The following ROS1 variants were observed in gnomAD, a reference collection of about 807,000 sequenced individuals.
ROS1 encodes the protein proto-oncogene tyrosine-protein kinase ROS.
In ROS1, 263 loss-of-function variants were observed where a neutral mutation model predicts 273.5. The observed-to-expected ratio is 0.96, with a 90% CI of 0.87 to 1.06. ROS1 has a LOEUF of 1.06. Among genes scored for constraint, ROS1 ranks in the 50% least tolerant of loss-of-function variants. The pLI is 0.00. For missense variants in ROS1, 2,833 were observed against 2,751.1 expected (o/e 1.03, Z -0.67); for synonymous variants, 1,008 against 954.1 (o/e 1.06, Z -1.04).
intron 5 of ROS1, among the ~76,000 whole-genome samples, chr6:117,405,258 A>G (rs1391868226): frequency 6.6e-6 from 1 of 152,210 alleles, no homozygotes; most frequent in Non-Finnish European, 1.5e-5. Context: ...TCTCATCATT[A>G]CCAACACCAG....
chr6:117,388,154 G>T, intron 13 of ROS1, 162 bp from the exon 14 acceptor site: 1 of 1,112,134 alleles, frequency 9.0e-7, no homozygotes, highest in Non-Finnish European at 1.3e-6. Flanking sequence ...TGTTGATGAG[G>T]CTAGGACAGT....
chr6:117,294,299 C>A (rs574126167), intron 43 of ROS1, among the ~76,000 whole-genome samples: 1 of 152,170 alleles, frequency 6.6e-6, no homozygotes, highest in South Asian at 2.1e-4. Context: ...TACTGTAAGT[C>A]CTAGCCAGAG....
intron 43 of ROS1, among the ~76,000 whole-genome samples, chr6:117,294,696 G>T (rs183311611): frequency 1.3e-5 from 2 of 152,130 alleles, no homozygotes; most frequent in Admixed American, 1.3e-4. Context: ...AATCAAGAAG[G>T]CAATGCCATT....
intron 43 of ROS1, chr6:117,299,737 C>G (rs369060155): frequency 6.6e-6 from 1 of 152,164 alleles, no homozygotes; most frequent in African/African-American, 2.4e-5. Context: ...CTTTTAATAA[C>G]AAGAAGTTCT....
intron 33 of ROS1, 68 bp downstream of exon 33, chr6:117,329,253 TAGTGTTAC>T: frequency 1.4e-6 from 1 of 717,194 alleles, no homozygotes; most frequent in South Asian, 1.8e-5. Flanking sequence ...TTTGCATAAA[TAGTGTTAC>T]TTTTGATTAC....
intron 9 of ROS1, 115 bp from the exon 10 acceptor site, chr6:117,394,853 G>A: frequency 1.1e-6 from 1 of 881,400 alleles, no homozygotes. Flanking sequence ...GAAAGAGGCT[G>A]GTCAAATTTT....
rs1048825279 is a variant in ROS1 at position 117,358,552 on chromosome 6, T to C, written c.3634-543A>G. Among the ~76,000 whole-genome samples the C allele has an allele frequency of 3.3e-5, 5 of 151,868 alleles. No individual in the cohort carries two copies. The South Asian group carries it at 8.3e-4, about 25-fold the overall frequency. On this transcript the variant is annotated intron_variant, in intron 24 of 43. Transcript: ENST00000368507. ...TTGGTTCACTGAAACCTTCGCCTCCTGGGTTCAAACGATTCTCCTGCCTCA... is the reference window on the plus strand; with the variant it reads ...TTGGTTCACTGAAACCTTCGCCTCCCGGGTTCAAACGATTCTCCTGCCTCA...
intron 27 of ROS1, among the ~76,000 whole-genome samples, chr6:117,346,184 A>C (rs1053237417): frequency 6.6e-6 from 1 of 152,184 alleles, no homozygotes; most frequent in African/African-American, 2.4e-5. Flanking sequence ...CTTTTATTTA[A>C]TTGATATAAT....
In ROS1 at chr6:117,366,224, C is replaced by G. The variant is rs1198908141; in HGVS notation, c.2649G>C (p.Leu883=). 6.2e-7 allele frequency: 1 copy of G among 1,614,082 alleles called. No individual in the cohort carries two copies. Among genetic ancestry groups the G allele is most frequent in the Admixed American group, 1.7e-5 (1 of 60,014 alleles). The change falls in exon 19 of 44, where the codon CTG becomes CTC. Residue 883 remains leucine, a synonymous_variant. Coordinates refer to ENST00000368507, the MANE Select transcript of ROS1 (RefSeq NM_001378902.1). Reference sequence around the variant, plus strand: ...AGAACAGCCGACCACTATAGTACATCAGTGCATTCTGGGAAATTTCAGAAG... The same window carrying G: ...AGAACAGCCGACCACTATAGTACATGAGTGCATTCTGGGAAATTTCAGAAG... ...WSTSEISQNA[L]MYYSGRLFWI... is the part of the protein sequence containing the mutation.
intron 26 of ROS1, 99 bp downstream of exon 26, chr6:117,356,530 T>G: frequency 9.6e-7 from 1 of 1,044,962 alleles, no homozygotes; most frequent in Non-Finnish European, 1.4e-6. Flanking sequence ...AAATATCATG[T>G]GTATATTTGA....
chr6:117,292,379 A>T (rs1196238881), intron 43 of ROS1, among the ~76,000 whole-genome samples: 3 of 152,140 alleles, frequency 2.0e-5, no homozygotes, highest in South Asian at 2.1e-4. Flanking sequence ...AACCCTCTGG[A>T]TTGCTTTACC....
chr6:117,375,365 C>G (rs1053937143), intron 18 of ROS1, among the ~76,000 whole-genome samples: 1 of 152,096 alleles, frequency 6.6e-6, no homozygotes, highest in East Asian at 1.9e-4. Flanking sequence ...GATGGGTTTA[C>G]CAAAATTTCA....
chr6:117,394,601 C>G lies in ROS1; in HGVS notation c.1006+15G>C. ...CTTTTCACACTAAGGAATCATTTAT[C>G]CTTATCATACTGACCTGTAATATTA... On this transcript the variant is annotated intron_variant, in intron 10 of 43. Transcript: ENST00000368507. 6.4e-7 allele frequency: 1 copy of G among 1,552,352 alleles called. No homozygotes were observed. Among genetic ancestry groups the G allele is most frequent in the East Asian group, 2.3e-5 (1 of 44,044 alleles).
At chr6:117,394,537 A>T (rs1773337079) in intron 10 of ROS1, 79 bp downstream of exon 10, 1 of 1,248,860 alleles carries the variant, frequency 8.0e-7, no homozygotes, top group East Asian at 2.6e-5. Context: ...AATATTCAAA[A>T]ATTTTCTTTT....
At chr6:117,418,912 T>A (rs1253594767) in intron 1 of ROS1, among the ~76,000 whole-genome samples, 1 of 152,190 alleles carries the variant, frequency 6.6e-6, no homozygotes, top group South Asian at 2.1e-4. Context: ...AAACATAAGA[T>A]TACTCTTTTA....
chr6:117,343,748 AATTCTCTATC>A (rs1778137083), intron 28 of ROS1, among the ~76,000 whole-genome samples: 1 of 152,192 alleles, frequency 6.6e-6, no homozygotes, highest in Admixed American at 6.5e-5. Flanking sequence ...CTGCAAAAAT[AATTCTCTATC>A]ATTCTCTCTG....
chr6:117,409,240 G>T (rs13212382), intron 5 of ROS1, among the ~76,000 whole-genome samples: 2 of 112,676 alleles, frequency 1.8e-5, no homozygotes, highest in Non-Finnish European at 3.5e-5. Context: ...ATAAAAAAGA[G>T]AGAAAAAAAA....
At chr6:117,421,851 C>T (rs1775786147) in intron 1 of ROS1, among the ~76,000 whole-genome samples, 1 of 152,044 alleles carries the variant, frequency 6.6e-6, no homozygotes, top group East Asian at 1.9e-4. Flanking sequence ...TCTAAGTAGT[C>T]AAATTTATTG....
chr6:117,295,383 T>C (rs1774148874), intron 43 of ROS1, among the ~76,000 whole-genome samples: 1 of 152,154 alleles, frequency 6.6e-6, no homozygotes, highest in South Asian at 2.1e-4. Context: ...ACCATGAAAC[T>C]ACTACAAGAA....
Sources: gnomAD v4.1 joint callset for allele counts (sites outside exome capture counted in the v4.1 genomes callset) on GRCh38, gnomAD v4.1.1 for gene constraint, MANE v1.5 for transcripts, NCBI Gene and HGNC (gene_info 2026-07-23, HGNC 2026-07-21) for gene names.